The following HPSE2 variants were observed in gnomAD, a reference collection of about 807,000 sequenced individuals.
The protein encoded by HPSE2 is inactive heparanase-2.
Under a neutral mutation model 60.5 loss-of-function variants are expected in HPSE2, and 38 were observed. The observed-to-expected ratio is 0.63, with a 90% CI of 0.48 to 0.82. The LOEUF (loss-of-function observed/expected upper bound fraction) is 0.82. HPSE2 is among the 40% of genes least tolerant of loss of function. The pLI, the probability that HPSE2 is intolerant of heterozygous loss-of-function variation, is 0.00. For missense variants in HPSE2, 713 were observed against 740.4 expected (o/e 0.96, Z 0.43); for synonymous variants, 295 against 293.2 (o/e 1.01, Z -0.06).
intron 3 of HPSE2, chr10:99,048,016 C>G (rs573381501): frequency 7.2e-6 from 5 of 689,992 alleles, no homozygotes; most frequent in Non-Finnish European, 1.3e-5. Context: ...CGAAGCTCAA[C>G]AAGGCTGCAA....
chr10:98,509,308 CA>C (rs910874135), intron 9 of HPSE2, among the ~76,000 whole-genome samples: 29 of 151,278 alleles, frequency 1.9e-4, no homozygotes, highest in African/African-American at 7.0e-4. Flanking sequence ...GACTCCGTCT[CA>C]AAAACAACAA....
At chr10:98,998,829 C>T (rs1202323862) in intron 3 of HPSE2, among the ~76,000 whole-genome samples, 1 of 152,176 alleles carries the variant, frequency 6.6e-6, no homozygotes, top group African/African-American at 2.4e-5. Context: ...TTTCACAAGG[C>T]ATATGAGGCT....
intron 6 of HPSE2, among the ~76,000 whole-genome samples, chr10:98,673,184 G>C (rs909587412): frequency 3.9e-5 from 6 of 152,146 alleles, no homozygotes; most frequent in Admixed American, 2.6e-4. Context: ...TTCACTCACA[G>C]AGTAGGCCCA....
At chr10:98,939,138 A>G (rs1158519826) in intron 3 of HPSE2, among the ~76,000 whole-genome samples, 3 of 143,978 alleles carry the variant, frequency 2.1e-5, no homozygotes, top group Non-Finnish European at 3.0e-5. Flanking sequence ...ATCATGGCAA[A>G]TTGTAAAGAC....
intron 3 of HPSE2, among the ~76,000 whole-genome samples, chr10:99,100,680 C>CACAT (rs1319089006): frequency 1.3e-5 from 2 of 152,098 alleles, no homozygotes; most frequent in African/African-American, 4.8e-5. Flanking sequence ...AACTCCAAGA[C>CACAT]ACATAATTGT....
intron 3 of HPSE2, among the ~76,000 whole-genome samples, chr10:99,111,255 T>G (rs999916249): frequency 6.6e-6 from 1 of 152,230 alleles, no homozygotes; most frequent in Non-Finnish European, 1.5e-5. Context: ...GTCAGCCCTC[T>G]GACTTTGTTC....
intron 3 of HPSE2, among the ~76,000 whole-genome samples, chr10:98,932,898 T>C (rs1954681128): frequency 7.0e-6 from 1 of 143,790 alleles, no homozygotes; most frequent in Non-Finnish European, 1.5e-5. Context: ...TAACAGTCTA[T>C]CTATTTTATT....
At chr10:98,747,144 C>G (rs1247257237) in intron 3 of HPSE2, among the ~76,000 whole-genome samples, 1 of 151,992 alleles carries the variant, frequency 6.6e-6, no homozygotes, top group Non-Finnish European at 1.5e-5. Context: ...TTATTCATGT[C>G]ATGAAAGTTA....
intron 3 of HPSE2, among the ~76,000 whole-genome samples, chr10:98,838,531 CCCCCTGCATCAGT>C (rs1951843252): frequency 6.6e-6 from 1 of 150,986 alleles, no homozygotes; most frequent in Non-Finnish European, 1.5e-5. Context: ...CTCAATTGAT[CCCCCTGCATCAGT>C]CCCCCGAGTA....
At chr10:99,171,556 C>T (rs1407405816) in intron 2 of HPSE2, among the ~76,000 whole-genome samples, 1 of 152,100 alleles carries the variant, frequency 6.6e-6, no homozygotes, top group East Asian at 1.9e-4. Flanking sequence ...AAAAAAACAA[C>T]CTTATAAGAA....
the HPSE2 span, among the ~76,000 whole-genome samples, chr10:99,310,975 T>G: frequency 6.6e-6 from 1 of 152,168 alleles, no homozygotes; most frequent in Admixed American, 6.6e-5. Context: ...ATCATTTTTA[T>G]TTCTCCTATA....
At chr10:98,645,117 AAG>A (rs1230441688) in intron 6 of HPSE2, among the ~76,000 whole-genome samples, 1 of 152,188 alleles carries the variant, frequency 6.6e-6, no homozygotes, top group African/African-American at 2.4e-5. Flanking sequence ...ATCAACATAT[AAG>A]AGAGATTGCC....
chr10:98,768,063 T>C (rs1007523450), intron 3 of HPSE2, among the ~76,000 whole-genome samples: 1 of 151,900 alleles, frequency 6.6e-6, no homozygotes, highest in Non-Finnish European at 1.5e-5. Flanking sequence ...ACCTCCTCTG[T>C]GTTATACTGG....
At chr10:99,221,699 T>C (rs1397102752) in intron 2 of HPSE2, among the ~76,000 whole-genome samples, 1 of 152,102 alleles carries the variant, frequency 6.6e-6, no homozygotes, top group Non-Finnish European at 1.5e-5. Context: ...AGGTGGAATA[T>C]CCAGAGGGTT....
At chr10:99,116,611 C>T (rs577709822) in intron 3 of HPSE2, among the ~76,000 whole-genome samples, 2 of 152,156 alleles carry the variant, frequency 1.3e-5, no homozygotes, top group Non-Finnish European at 2.9e-5. Context: ...GTCCCTACTC[C>T]GAACCTGCCA....
At chr10:99,064,330 A>C (rs1212047385) in intron 3 of HPSE2, among the ~76,000 whole-genome samples, 1 of 152,196 alleles carries the variant, frequency 6.6e-6, no homozygotes, top group Non-Finnish European at 1.5e-5. Flanking sequence ...ACAGAACACT[A>C]TGCATAGTTT....
chr10:98,990,409 A>G (rs540920789), intron 3 of HPSE2, among the ~76,000 whole-genome samples: 1 of 152,306 alleles, frequency 6.6e-6, no homozygotes, highest in African/African-American at 2.4e-5. Context: ...ATGATAATCT[A>G]TTGCTGCTGC....
chr10:99,124,061 T>C (rs973372027), intron 3 of HPSE2, among the ~76,000 whole-genome samples: 4 of 152,064 alleles, frequency 2.6e-5, no homozygotes, highest in Admixed American at 2.0e-4. Flanking sequence ...ATGGAGTGGG[T>C]AGCTCCTATC....
intron 3 of HPSE2, among the ~76,000 whole-genome samples, chr10:99,023,258 C>T (rs1459295535): frequency 6.6e-6 from 1 of 152,062 alleles, no homozygotes; most frequent in Non-Finnish European, 1.5e-5. Context: ...TGAGGCTCCT[C>T]TGTCTTTGGA....
Sources: gnomAD v4.1 joint callset for allele counts (sites outside exome capture counted in the v4.1 genomes callset) on GRCh38, gnomAD v4.1.1 for gene constraint, MANE v1.5 for transcripts, NCBI Gene and HGNC (gene_info 2026-07-23, HGNC 2026-07-21) for gene names.